The following ERAP1 variants were observed in gnomAD, a reference collection of about 807,000 sequenced individuals.
ERAP1 encodes endoplasmic reticulum aminopeptidase 1.
ERAP1 carries 86 observed loss-of-function variants against 103.7 expected under a neutral mutation model. The ratio of observed to expected loss-of-function variants is 0.83; its 90% CI spans 0.70 to 0.99. ERAP1 has a LOEUF of 0.99. Among genes scored for constraint, ERAP1 ranks in the 50% least tolerant of loss-of-function variants. ERAP1 has a pLI of 0.00. For missense variants in ERAP1, 1,009 were observed against 1,128.4 expected (o/e 0.89, Z 1.52); for synonymous variants, 398 against 402.4 (o/e 0.99, Z 0.13).
At chr5:96,805,344 TGG>T (rs1778466069) in intron 1 of ERAP1, among the ~76,000 whole-genome samples, 2 of 120,304 alleles carry the variant, frequency 1.7e-5, no homozygotes, top group African/African-American at 6.3e-5. Context: ...TTCTGGTTTT[TGG>T]TTTTTTTTTT....
the ERAP1 span, chr5:96,913,461 G>C: frequency 6.2e-7 from 1 of 1,613,700 alleles, no homozygotes. Context: ...TGAAAAAGTT[G>C]GTATTCATTT....
chr5:96,790,333 C>CAAAAGG lies in ERAP1; in HGVS notation c.1486_1487insCCTTTT (p.Gly496delinsAlaPheCys). 1.2e-5 allele frequency: 19 copies of CAAAAGG among 1,614,060 alleles called. No individual in the cohort carries two copies. Among genetic ancestry groups the CAAAAGG allele is most frequent in the Non-Finnish European group, 1.6e-5 (19 of 1,179,986 alleles). ...TGAATGTTGACTTCTAGAGCAAAAG[C>CAAAAGG]CATCCATCCCTTTTACACCATCTGT... On this transcript the variant is annotated protein_altering_variant, in exon 10 of 19. Transcript: ENST00000443439.
the ERAP1 span, among the ~76,000 whole-genome samples, chr5:96,922,689 G>A: frequency 3.1e-3 from 477 of 152,330 alleles, 3 homozygotes; most frequent in East Asian, 0.019. Flanking sequence ...CTCTGTCCGG[G>A]TGAGTTAACT....
chr5:96,795,323 C>T (rs1777230298), intron 4 of ERAP1, among the ~76,000 whole-genome samples, 161 bp from the exon 5 acceptor site: 1 of 152,080 alleles, frequency 6.6e-6, no homozygotes, highest in South Asian at 2.1e-4. Flanking sequence ...ACTGACTGTT[C>T]CTGATTAATC....
chr5:96,789,436 G>T (rs550826927), intron 10 of ERAP1, among the ~76,000 whole-genome samples: 4 of 151,656 alleles, frequency 2.6e-5, no homozygotes, highest in Non-Finnish European at 5.9e-5. Context: ...ACAGTGAGCC[G>T]AGATCACGCC....
At chr5:96,781,936 C>A (rs1268848710) in intron 15 of ERAP1, 82 bp from the exon 16 acceptor site, 1 of 1,260,254 alleles carries the variant, frequency 7.9e-7, no homozygotes, top group East Asian at 2.3e-5. Flanking sequence ...CTATGAACTG[C>A]TGAACTTTCC....
the ERAP1 span, among the ~76,000 whole-genome samples, chr5:96,915,283 A>G: frequency 2.0e-5 from 3 of 152,202 alleles, no homozygotes; most frequent in Non-Finnish European, 4.4e-5. Flanking sequence ...TTCTGGGATT[A>G]CAGGTGTGAG....
At chr5:96,889,265 T>A in the ERAP1 span, 1 of 1,614,006 alleles carries the variant, frequency 6.2e-7, no homozygotes, top group Non-Finnish European at 8.5e-7. Flanking sequence ...TTGATTTTTA[T>A]GAAAAGTACT....
intron 2 of ERAP1, 59 bp from the exon 3 acceptor site, chr5:96,801,059 G>C: frequency 6.3e-7 from 1 of 1,586,972 alleles, no homozygotes; most frequent in Non-Finnish European, 8.6e-7. Flanking sequence ...CTCTAAAACA[G>C]GTGTTTGCTT....
the ERAP1 span, among the ~76,000 whole-genome samples, chr5:96,933,211 C>CTTTTTTT: frequency 9.5e-4 from 69 of 72,806 alleles, no homozygotes; most frequent in African/African-American, 1.7e-3. Context: ...AAAACCACGT[C>CTTTTTTT]TTTTTTTTTT....
At chr5:96,779,598 A>C (rs1774862756) in intron 18 of ERAP1, 3 of 152,506 alleles carry the variant, frequency 2.0e-5, no homozygotes, top group African/African-American at 7.2e-5. Context: ...AAAAAAATTA[A>C]TATTAGCCTC....
At chr5:96,841,837 A>C in the ERAP1 span, among the ~76,000 whole-genome samples, 1 of 135,988 alleles carries the variant, frequency 7.4e-6, no homozygotes, top group Non-Finnish European at 1.5e-5. Flanking sequence ...GTTTTCAGTT[A>C]CATGGATAAG....
chr5:96,885,174 T>C, the ERAP1 span, among the ~76,000 whole-genome samples: 1 of 152,140 alleles, frequency 6.6e-6, no homozygotes, highest in Non-Finnish European at 1.5e-5. Flanking sequence ...CCCAGACGTA[T>C]TTCCCCATAG....
chr5:96,890,179 C>T, the ERAP1 span, among the ~76,000 whole-genome samples: 2 of 152,152 alleles, frequency 1.3e-5, no homozygotes, highest in African/African-American at 4.8e-5. Context: ...TGTAGAGAAG[C>T]GATCCCCAAC....
chr5:96,887,335 C>G, the ERAP1 span, among the ~76,000 whole-genome samples: 1 of 143,520 alleles, frequency 7.0e-6, no homozygotes, highest in Non-Finnish European at 1.5e-5. Flanking sequence ...GAGTCTCACT[C>G]TGTTGGCCAG....
intron 18 of ERAP1, chr5:96,779,530 C>G (rs1243718655): frequency 1.2e-4 from 18 of 152,196 alleles, no homozygotes; most frequent in Admixed American, 1.2e-3. Flanking sequence ...TTCCAAAGCT[C>G]TCTCCCCATC....
the ERAP1 span, among the ~76,000 whole-genome samples, chr5:96,838,119 A>T: frequency 6.6e-6 from 1 of 152,102 alleles, no homozygotes; most frequent in Non-Finnish European, 1.5e-5. Flanking sequence ...ACGGGAATGC[A>T]TGTTCTCACT....
intron 19 of ERAP1, among the ~76,000 whole-genome samples, chr5:96,764,174 T>C (rs1768991066): frequency 1.3e-5 from 2 of 152,194 alleles, no homozygotes; most frequent in Non-Finnish European, 2.9e-5. Flanking sequence ...TGTTGAAAAA[T>C]ATGGATTTTG....
Position 96,775,339 on chromosome 5 carries a change from T to TATC in ERAP1, c.*1054_*1056dup, listed in dbSNP as rs1554107231. ...GCAAATATTTTGTTTCACAATGTAC[T>TATC]ATCATTTATTGGTGACTGCAATAAT... On this transcript the variant is annotated 3_prime_UTR_variant, in exon 19 of 19. Transcript: ENST00000443439. 2.3e-5 allele frequency: 23 copies of TATC among 985,320 alleles called. No homozygotes were observed. In the Middle Eastern group the frequency reaches 1.6e-3, roughly 67 times the overall value. The allele number at this position is 985,320 out of a possible 1,614,324, so 61.0% of individuals were successfully genotyped here.
Sources: allele counts gnomAD v4.1 joint callset (sites outside exome capture counted in the v4.1 genomes callset), GRCh38; gene constraint gnomAD v4.1.1; transcripts MANE v1.5; gene names NCBI Gene and HGNC (gene_info 2026-07-23, HGNC 2026-07-21).